Variants in HGD observed in about 807,000 individuals in gnomAD.
HGD encodes the protein homogentisate oxidase.
Under a neutral mutation model 60.8 loss-of-function variants are expected in HGD, and 61 were observed. That is an observed-to-expected ratio of 1.00 (90% CI 0.82 to 1.24). HGD has a LOEUF of 1.24. HGD is among the 50% of genes most tolerant of loss of function. The pLI, the probability that HGD is intolerant of heterozygous loss-of-function variation, is 0.00. For synonymous variants in HGD, 212 were observed against 187.7 expected (o/e 1.13, Z -1.06); for missense variants, 542 against 547.1 (o/e 0.99, Z 0.09).
intron 12 of HGD, among the ~76,000 whole-genome samples, chr3:120,635,350 G>A (rs1239684548): frequency 6.6e-5 from 10 of 151,974 alleles, no homozygotes; most frequent in South Asian, 2.1e-4. Flanking sequence ...GGTAGCGGGC[G>A]CCTGTAGTCC....
chr3:120,640,767 C>G (rs1014560133), intron 11 of HGD, among the ~76,000 whole-genome samples: 1 of 151,968 alleles, frequency 6.6e-6, no homozygotes, highest in Non-Finnish European at 1.5e-5. Context: ...TTTTCTTTTC[C>G]CCTTTGCTTT....
chr3:120,678,424 C>CT (rs1430718162), intron 1 of HGD, among the ~76,000 whole-genome samples: 4 of 152,190 alleles, frequency 2.6e-5, no homozygotes, highest in Admixed American at 1.3e-4. Flanking sequence ...GGAAGGAAGG[C>CT]TGGAGTACAG....
chr3:120,644,074 GAT>G (rs1240607463), intron 10 of HGD, among the ~76,000 whole-genome samples: 1 of 152,206 alleles, frequency 6.6e-6, no homozygotes, highest in Non-Finnish European at 1.5e-5. Flanking sequence ...GAGTCAGACA[GAT>G]ATGGGTTCAA....
intron 1 of HGD, among the ~76,000 whole-genome samples, chr3:120,676,072 GAA>G (rs1418668507): frequency 2.6e-5 from 4 of 152,172 alleles, no homozygotes; most frequent in African/African-American, 9.7e-5. Context: ...TAATTAATCA[GAA>G]GAGTGCTGGA....
intron 1 of HGD, among the ~76,000 whole-genome samples, chr3:120,679,488 A>T (rs1473783582): frequency 6.6e-6 from 1 of 152,220 alleles, no homozygotes; most frequent in Admixed American, 6.5e-5. Flanking sequence ...TCTGAAAGAT[A>T]TGTATGGCTT....
At chr3:120,647,949 T>C in intron 6 of HGD, 38 bp from the exon 7 acceptor site, 1 of 1,495,818 alleles carries the variant, frequency 6.7e-7, no homozygotes, top group Non-Finnish European at 9.3e-7. Flanking sequence ...TTTTCAGTTT[T>C]AACATTGTCT....
At chr3:120,677,788 C>G (rs1401239352) in intron 1 of HGD, 20 of 152,200 alleles carry the variant, frequency 1.3e-4, no homozygotes, top group Admixed American at 1.3e-3. Flanking sequence ...CATCACGGAA[C>G]CTACCGAAAT....
At chr3:120,629,321 T>C (rs1251565176) in intron 13 of HGD, among the ~76,000 whole-genome samples, 1 of 152,242 alleles carries the variant, frequency 6.6e-6, no homozygotes, top group Non-Finnish European at 1.5e-5. Flanking sequence ...ATGCTCACAT[T>C]TGGAAATTTG....
chr3:120,672,139 A>T (rs1173390306), intron 3 of HGD, among the ~76,000 whole-genome samples: 1 of 152,246 alleles, frequency 6.6e-6, no homozygotes, highest in African/African-American at 2.4e-5. Context: ...ATACCCTGGA[A>T]CTTAAAATAA....
At chr3:120,637,221 C>A (rs1338109348) in intron 12 of HGD, among the ~76,000 whole-genome samples, 1 of 150,378 alleles carries the variant, frequency 6.6e-6, no homozygotes, top group Non-Finnish European at 1.5e-5. Flanking sequence ...ATCAGACAGC[C>A]TGCAATTAAA....
At chr3:120,656,316 A>G (rs1341871740) in intron 4 of HGD, among the ~76,000 whole-genome samples, 2 of 152,210 alleles carry the variant, frequency 1.3e-5, no homozygotes. Context: ...TCAGACTAAT[A>G]TAGTCCTACA....
intron 10 of HGD, 33 bp from the exon 11 acceptor site, chr3:120,641,726 C>A (rs377749273): frequency 6.5e-6 from 9 of 1,377,006 alleles, no homozygotes; most frequent in Non-Finnish European, 9.3e-6. Context: ...GATAATTTTA[C>A]CATCTAATGC....
Position 120,670,549 on chromosome 3 carries a change from A to T in HGD, c.177-17T>A. On this transcript the variant is annotated splice_polypyrimidine_tract_variant and intron_variant, in intron 3 of 13. Transcript: ENST00000283871. ...TACAGCCAGCTAGAGGGAAAAACATACAAGATATACAAGCCTTAGAGTAAT... is the reference window on the plus strand; with the variant it reads ...TACAGCCAGCTAGAGGGAAAAACATTCAAGATATACAAGCCTTAGAGTAAT... 1 of 1,296,692 alleles carries T rather than the reference A, an allele frequency of 7.7e-7. No homozygotes were observed. The highest frequency in any genetic ancestry group is 1.2e-5 in the South Asian group (1 of 84,792). The allele number at this position is 1,296,692 out of a possible 1,614,324, so 80.3% of individuals were successfully genotyped here. A position where few individuals can be genotyped will look rare whatever the true frequency, so the allele number is the denominator to read the frequency against.
At chr3:120,679,840 C>A (rs1405370092) in intron 1 of HGD, among the ~76,000 whole-genome samples, 2 of 152,198 alleles carry the variant, frequency 1.3e-5, no homozygotes, top group East Asian at 1.9e-4. Flanking sequence ...GACACCTCGA[C>A]TTTAGCCCAG....
At chr3:120,670,276 G>A (rs556227618) in intron 4 of HGD, 151 bp downstream of exon 4, 5 of 674,950 alleles carry the variant, frequency 7.4e-6, no homozygotes, top group Admixed American at 2.1e-5. Context: ...CACCACCCAA[G>A]TTTGAGCAGA....
At chr3:120,629,537 C>T (rs1050048824) in intron 13 of HGD, among the ~76,000 whole-genome samples, 4 of 152,104 alleles carry the variant, frequency 2.6e-5, no homozygotes, top group African/African-American at 4.8e-5. Context: ...TTATACAGTG[C>T]TATTCAAGAT....
intron 4 of HGD, among the ~76,000 whole-genome samples, chr3:120,666,169 C>G (rs919912243): frequency 6.6e-6 from 1 of 152,098 alleles, no homozygotes; most frequent in African/African-American, 2.4e-5. Flanking sequence ...AAACTGCTAC[C>G]TGGTTGGAGC....
At chr3:120,675,137 ATGTGAC>A (rs1708101587) in intron 2 of HGD, 148 bp from the exon 3 acceptor site, 2 of 655,142 alleles carry the variant, frequency 3.1e-6, no homozygotes, top group Non-Finnish European at 5.7e-6. Flanking sequence ...ACAACTTTTG[ATGTGAC>A]TTGCCCCCCG....
intron 3 of HGD, among the ~76,000 whole-genome samples, chr3:120,672,541 GA>G (rs1458728406): frequency 1.3e-5 from 2 of 152,264 alleles, no homozygotes; most frequent in African/African-American, 4.8e-5. Flanking sequence ...CCATCTGGGG[GA>G]AAAAGGGCTA....
Sources: gnomAD v4.1 joint callset for allele counts (sites outside exome capture counted in the v4.1 genomes callset) on GRCh38, gnomAD v4.1.1 for gene constraint, MANE v1.5 for transcripts, NCBI Gene and HGNC (gene_info 2026-07-23, HGNC 2026-07-21) for gene names.